RIC3: variants seen among roughly 807,000 people sequenced by gnomAD.
RIC3 encodes the protein RIC3 acetylcholine receptor chaperone, also known as protein RIC-3.
RIC3 carries 28 observed loss-of-function variants against 27.3 expected under a neutral mutation model. The observed-to-expected ratio is 1.02, with a 90% CI of 0.76 to 1.41. The LOEUF is 1.41. Ranked by LOEUF, RIC3 falls within the 40% of genes most tolerant of loss-of-function variation. RIC3 has a pLI of 0.00. For synonymous variants in RIC3, 184 were observed against 160.4 expected (o/e 1.15, Z -1.11); for missense variants, 501 against 444.7 (o/e 1.13, Z -1.14).
chr11:8,098,623 G>A, the RIC3 span: 7 of 659,762 alleles, frequency 1.1e-5, no homozygotes, highest in East Asian at 1.6e-4. Context: ...GATTCAGTGA[G>A]CAGTATGCCT....
At chr11:8,163,595 A>G (rs1951398296) in intron 1 of RIC3, among the ~76,000 whole-genome samples, 1 of 152,200 alleles carries the variant, frequency 6.6e-6, no homozygotes, top group African/African-American at 2.4e-5. Context: ...ATCTGAAAAC[A>G]AAATTTATAA....
At chr11:8,153,848 T>G (rs1231834464) in intron 1 of RIC3, among the ~76,000 whole-genome samples, 2 of 152,250 alleles carry the variant, frequency 1.3e-5, no homozygotes, top group Non-Finnish European at 1.5e-5. Flanking sequence ...TTCCTTTCTT[T>G]GTAGATTCAT....
At chr11:8,120,234 T>G (rs1324265480) in intron 5 of RIC3, among the ~76,000 whole-genome samples, 1 of 152,204 alleles carries the variant, frequency 6.6e-6, no homozygotes, top group Non-Finnish European at 1.5e-5. Flanking sequence ...TAAAGACACA[T>G]GCACACGTAC....
the RIC3 span, chr11:8,100,638 A>G: frequency 8.8e-6 from 14 of 1,593,872 alleles, no homozygotes; most frequent in Admixed American, 1.0e-4. Flanking sequence ...TTTCCCCATC[A>G]TCCTAGTCTC....
chr11:8,121,939 A>C (rs1946505024), intron 5 of RIC3, among the ~76,000 whole-genome samples: 1 of 152,264 alleles, frequency 6.6e-6, no homozygotes, highest in South Asian at 2.1e-4. Flanking sequence ...CATATAAGAA[A>C]TAATACAAGC....
At chr11:8,146,905 G>A (rs1177614830) in intron 1 of RIC3, among the ~76,000 whole-genome samples, 2 of 152,184 alleles carry the variant, frequency 1.3e-5, no homozygotes, top group African/African-American at 4.8e-5. Context: ...GAAGCTCTCA[G>A]ATAGCAGACT....
rs762777159 is a variant in RIC3 at position 8,140,238 on chromosome 11, G to C, written c.125-45C>G. On this transcript the variant is annotated intron_variant, in intron 1 of 5. Coordinates refer to ENST00000309737, the MANE Select transcript of RIC3 (RefSeq NM_001206671.4). ...TTTTTATCTCTTCTACTATTTTAAA[G>C]ATGGCTATCATGAAAACACCAAATC... is the stretch of plus-strand genomic sequence containing the variant. 2.6e-6 allele frequency: 4 copies of C among 1,539,854 alleles called. No homozygotes were observed. The Admixed American group carries it at 7.6e-5, about 29-fold the overall frequency.
chr11:8,124,108 A>AAAAAGAAAAAGC (rs1564995341), intron 5 of RIC3, among the ~76,000 whole-genome samples: 58 of 150,736 alleles, frequency 3.8e-4, no homozygotes, highest in Admixed American at 3.6e-3. Flanking sequence ...AGAAAAAGAG[A>AAAAAGAAAAAGC]AAGCAAGCAA....
intron 1 of RIC3, among the ~76,000 whole-genome samples, chr11:8,156,773 C>T (rs1330387587): frequency 6.6e-6 from 1 of 152,196 alleles, no homozygotes; most frequent in Non-Finnish European, 1.5e-5. Flanking sequence ...GAAGCATTTT[C>T]TCATGCTATT....
downstream of RIC3, chr11:8,101,881 C>T: frequency 1.9e-6 from 1 of 513,824 alleles, no homozygotes; most frequent in Non-Finnish European, 3.4e-6. Context: ...CACACTCCCA[C>T]CCTTGGGGTA....
intron 1 of RIC3, among the ~76,000 whole-genome samples, chr11:8,143,285 T>G (rs1347993983): frequency 6.6e-6 from 1 of 151,870 alleles, no homozygotes; most frequent in Non-Finnish European, 1.5e-5. Context: ...AACCCCATTG[T>G]CTCAGCCCAA....
At chr11:8,113,725 C>A (rs1038495634) in intron 5 of RIC3, among the ~76,000 whole-genome samples, 1 of 152,184 alleles carries the variant, frequency 6.6e-6, no homozygotes, top group Non-Finnish European at 1.5e-5. Context: ...AACCCCAGGA[C>A]TGCCCCTATG....
the RIC3 span, among the ~76,000 whole-genome samples, chr11:8,095,003 G>A: frequency 6.6e-6 from 1 of 152,256 alleles, no homozygotes; most frequent in Admixed American, 6.5e-5. Context: ...CATTTGGGAA[G>A]GCGAGTGTAT....
At chr11:8,094,770 C>T in the RIC3 span, among the ~76,000 whole-genome samples, 26 of 152,236 alleles carry the variant, frequency 1.7e-4, no homozygotes, top group Admixed American at 1.7e-3. Flanking sequence ...GCTACACACC[C>T]CGTTTCCTCA....
intron 5 of RIC3, among the ~76,000 whole-genome samples, chr11:8,120,392 G>C (rs775838507): frequency 8.5e-5 from 13 of 152,148 alleles, no homozygotes; most frequent in Admixed American, 6.5e-5. Flanking sequence ...CCCTTGCAGG[G>C]ACATGGATGA....
chr11:8,133,112 T>C (rs763847526), intron 4 of RIC3, among the ~76,000 whole-genome samples: 8 of 152,178 alleles, frequency 5.3e-5, no homozygotes, highest in Non-Finnish European at 8.8e-5. Flanking sequence ...AGTGGGTTAG[T>C]TATCCCAAGA....
rs1197877301 is a variant in RIC3 at position 8,107,655 on chromosome 11, A to G, written c.*3043T>C. On this transcript the variant is annotated 3_prime_UTR_variant, in exon 6 of 6. Coordinates refer to ENST00000309737, the MANE Select transcript of RIC3 (RefSeq NM_001206671.4). ...GCCAAATACACCTCCACTCCTCATC[A>G]CGACTCCCTGGGCCCAGCTTCTGGA... The G allele has an allele frequency of 2.0e-5, 3 of 152,154 alleles. No homozygotes were observed. The highest frequency in any genetic ancestry group is 4.4e-5 in the Non-Finnish European group (3 of 68,068). 9.4% of individuals were successfully genotyped at this position (152,154 alleles called of 1,614,324 possible).
At chr11:8,131,639 G>A (rs1168035852) in intron 4 of RIC3, among the ~76,000 whole-genome samples, 1 of 152,032 alleles carries the variant, frequency 6.6e-6, no homozygotes, top group Non-Finnish European at 1.5e-5. Context: ...GGTGGCTCAC[G>A]ACTGTAATCC....
intron 1 of RIC3, among the ~76,000 whole-genome samples, chr11:8,154,293 T>C (rs1950483534): frequency 6.6e-6 from 1 of 152,242 alleles, no homozygotes; most frequent in South Asian, 2.1e-4. Context: ...TTTTAGATTT[T>C]ATTGCATTAA....
Sources: gnomAD v4.1 joint callset for allele counts (sites outside exome capture counted in the v4.1 genomes callset) on GRCh38, gnomAD v4.1.1 for gene constraint, MANE v1.5 for transcripts, NCBI Gene and HGNC (gene_info 2026-07-23, HGNC 2026-07-21) for gene names.